Variants in CAMK1D observed in about 807,000 individuals in gnomAD.
CAMK1D encodes the protein calcium/calmodulin dependent protein kinase ID.
Under a neutral mutation model 47.7 loss-of-function variants are expected in CAMK1D, and 9 were observed. That is an observed-to-expected ratio of 0.19 (90% CI 0.11 to 0.33). CAMK1D has a LOEUF of 0.33. Ranked by LOEUF, CAMK1D falls within the 10% of genes least tolerant of loss-of-function variation. The pLI, the probability that CAMK1D is intolerant of heterozygous loss-of-function variation, is 1.00. For synonymous variants in CAMK1D, 184 were observed against 184.9 expected (o/e 0.99, Z 0.04); for missense variants, 291 against 488.7 (o/e 0.60, Z 3.81).
chr10:12,408,848 CTTT>C (rs113921067), intron 1 of CAMK1D, among the ~76,000 whole-genome samples: 3 of 121,870 alleles, frequency 2.5e-5, no homozygotes, highest in Non-Finnish European at 5.0e-5. Context: ...TTCTTTCTTT[CTTT>C]TTTTTTTTTT....
chr10:12,381,353 T>C (rs1296767282), intron 1 of CAMK1D, among the ~76,000 whole-genome samples: 1 of 151,806 alleles, frequency 6.6e-6, no homozygotes, highest in Non-Finnish European at 1.5e-5. Context: ...TTTTTTTTTT[T>C]TTTTTTGAGA....
rs768486499 is a variant in CAMK1D, at chr10:12,553,346, G to A, written c.214G>A (p.Val72Ile). 1.5e-5 allele frequency: 24 copies of A among 1,611,694 alleles called. No homozygotes were observed. Among genetic ancestry groups the A allele is most frequent in the Non-Finnish European group, 2.0e-5 (23 of 1,177,958 alleles). The change falls in exon 2 of 11, where the codon GTC (valine) becomes ATC (isoleucine). Residue 72 changes from valine to isoleucine, a missense_variant. Transcript: ENST00000619168. ...AAGCAGCATAGAGAATGAGATAGCC[G>A]TCCTGAGAAAGTAAGTGCTGGAGGG... The part of the protein sequence containing the change: ...KESSIENEIA[V>I]LRKIKHENIV...
chr10:12,779,733 G>T (rs1313177032), intron 5 of CAMK1D, among the ~76,000 whole-genome samples: 2 of 152,086 alleles, frequency 1.3e-5, no homozygotes, highest in East Asian at 1.9e-4. Flanking sequence ...GCCTAGTTGA[G>T]AATTTTTTTT....
intron 3 of CAMK1D, among the ~76,000 whole-genome samples, chr10:12,681,640 G>T (rs546526905): frequency 7.9e-5 from 12 of 152,214 alleles, no homozygotes; most frequent in Non-Finnish European, 1.6e-4. Context: ...TATTTATTAT[G>T]CATTCTAAGC....
intron 9 of CAMK1D, 141 bp from the exon 10 acceptor site, chr10:12,825,432 A>G: frequency 2.7e-6 from 2 of 736,058 alleles, no homozygotes; most frequent in Non-Finnish European, 2.1e-6. Context: ...GGGACAACAT[A>G]AGCTTTCCTT....
intron 1 of CAMK1D, among the ~76,000 whole-genome samples, chr10:12,515,106 A>ACC (rs111854117): frequency 2.1e-4 from 31 of 150,352 alleles, no homozygotes; most frequent in African/African-American, 7.6e-4. Context: ...CAGGTGATCC[A>ACC]CCCCCCTTGG....
In CAMK1D at chr10:12,494,416, A is replaced by G. The variant is rs572894786; in HGVS notation, c.93-58809A>G. Among the ~76,000 whole-genome samples the G allele has an allele frequency of 1.6e-4, 25 of 152,288 alleles. No individual in the cohort carries two copies. In the South Asian group the frequency reaches 3.5e-3, roughly 21 times the overall value. Reference sequence around the variant, plus strand: ...TTTTTAATATTAATGTTACACACACACGTACACACACACACATATATACTT... The same window carrying G: ...TTTTTAATATTAATGTTACACACACGCGTACACACACACACATATATACTT... On this transcript the variant is annotated intron_variant, in intron 1 of 10. Coordinates refer to ENST00000619168, the MANE Select transcript of CAMK1D (RefSeq NM_153498.4).
At chr10:12,659,265 G>A (rs1238773524) in intron 2 of CAMK1D, among the ~76,000 whole-genome samples, 1 of 152,200 alleles carries the variant, frequency 6.6e-6, no homozygotes, top group African/African-American at 2.4e-5. Flanking sequence ...GGGAGCCAGT[G>A]CTGGATTTCA....
chr10:12,761,092 G>A lies in CAMK1D; in HGVS notation c.438+6G>A, dbSNP rs2130905009. On this transcript the variant is annotated splice_donor_region_variant and intron_variant, in intron 4 of 10. Coordinates refer to ENST00000619168, the MANE Select transcript of CAMK1D (RefSeq NM_153498.4). The stretch of plus-strand genomic sequence containing the variant: ...TCGTCCACAGAGACCTCAAGGTGAG[G>A]CCATCGCTCAGCAGCATCCTGCAGC... 1 of 1,612,872 alleles carries A rather than the reference G, an allele frequency of 6.2e-7. No homozygotes were observed. The highest frequency in any genetic ancestry group is 8.5e-7 in the Non-Finnish European group (1 of 1,179,112).
intron 2 of CAMK1D, among the ~76,000 whole-genome samples, chr10:12,607,016 C>T (rs187223670): frequency 1.7e-3 from 261 of 152,114 alleles, no homozygotes; most frequent in African/African-American, 5.7e-3. Context: ...TTAGTAGAGA[C>T]GGGGTTTCAC....
rs753517881 is a variant in CAMK1D, at chr10:12,553,299, A to C, written c.167A>C (p.Lys56Thr). 1 of 1,614,182 alleles carries C rather than the reference A, an allele frequency of 6.2e-7. No individual in the cohort carries two copies. Among genetic ancestry groups the C allele is most frequent in the South Asian group, 1.1e-5 (1 of 91,080 alleles). ...CTCTTTGCTGTGAAGTGTATCCCTA[A>C]GAAGGCGCTGAAGGGCAAGGAAAGC... Reference protein sequence around the residue: ...GKLFAVKCIPKKALKGKESSI... With the variant: ...GKLFAVKCIPTKALKGKESSI... The change falls in exon 2 of 11, where the codon AAG becomes ACG. Residue 56 changes from lysine to threonine, a missense_variant. This residue lies in a region of CAMK1D where 219 missense variants were observed against 424.3 expected (regional missense o/e 0.52). Coordinates refer to ENST00000619168, the MANE Select transcript of CAMK1D (RefSeq NM_153498.4).
intron 1 of CAMK1D, among the ~76,000 whole-genome samples, chr10:12,356,536 C>T (rs895999833): frequency 6.6e-6 from 1 of 152,102 alleles, no homozygotes; most frequent in Admixed American, 6.5e-5. Context: ...GCCTGGCCAA[C>T]GTGGTGAAAC....
Position 12,501,277 on chromosome 10 carries a change from C to A in CAMK1D, c.93-51948C>A, listed in dbSNP as rs577877130. Among the ~76,000 whole-genome samples the A allele has an allele frequency of 2.0e-5, 3 of 152,282 alleles. No homozygotes were observed. In the South Asian group the frequency reaches 6.2e-4, roughly 32 times the overall value. Reference sequence around the variant, plus strand: ...ACTTAGTCTTCACATTTTTATTGAGCCCTTGTATATTCAGAGCACTGTGCA... The same window carrying A: ...ACTTAGTCTTCACATTTTTATTGAGACCTTGTATATTCAGAGCACTGTGCA... On this transcript the variant is annotated intron_variant, in intron 1 of 10. Coordinates refer to ENST00000619168, the MANE Select transcript of CAMK1D (RefSeq NM_153498.4).
intron 1 of CAMK1D, among the ~76,000 whole-genome samples, chr10:12,545,948 G>T (rs966784775): frequency 6.6e-6 from 1 of 152,148 alleles, no homozygotes; most frequent in African/African-American, 2.4e-5. Flanking sequence ...GCTGTTCAGC[G>T]GTGTGGTTGG....
intron 1 of CAMK1D, among the ~76,000 whole-genome samples, chr10:12,414,251 G>A (rs1006698691): frequency 1.3e-5 from 2 of 152,204 alleles, no homozygotes; most frequent in Non-Finnish European, 2.9e-5. Context: ...AGTCTTGGAT[G>A]TTTTATAACG....
At chr10:12,378,177 T>C (rs926625866) in intron 1 of CAMK1D, among the ~76,000 whole-genome samples, 1 of 152,234 alleles carries the variant, frequency 6.6e-6, no homozygotes, top group African/African-American at 2.4e-5. Context: ...CAGGGGCCCA[T>C]GTGCAAAGGG....
intron 1 of CAMK1D, among the ~76,000 whole-genome samples, chr10:12,405,045 A>G (rs1031914895): frequency 1.3e-5 from 2 of 152,256 alleles, no homozygotes; most frequent in Admixed American, 6.5e-5. Context: ...TAAAGGAGAG[A>G]CCCAGCTGCC....
intron 1 of CAMK1D, among the ~76,000 whole-genome samples, chr10:12,364,296 C>T (rs1189540294): frequency 1.5e-5 from 2 of 136,270 alleles, no homozygotes; most frequent in African/African-American, 5.6e-5. Context: ...GGCTGGAGTG[C>T]AGTGGCATGA....
intron 1 of CAMK1D, among the ~76,000 whole-genome samples, chr10:12,486,031 T>G (rs1383397190): frequency 6.6e-6 from 1 of 152,164 alleles, no homozygotes; most frequent in African/African-American, 2.4e-5. Flanking sequence ...GTCTCCAGCT[T>G]GTTGACGTAC....
Sources: allele counts gnomAD v4.1 joint callset (sites outside exome capture counted in the v4.1 genomes callset), GRCh38; gene constraint gnomAD v4.1.1; regional missense constraint gnomAD v4.1.1; transcripts MANE v1.5; gene names NCBI Gene and HGNC (gene_info 2026-07-23, HGNC 2026-07-21).